Variants in ARL15 observed in about 807,000 individuals in gnomAD.
ARL15 encodes ADP-ribosylation factor-like protein 15.
In ARL15, 19 loss-of-function variants were observed where a neutral mutation model predicts 25.2. The ratio of observed to expected loss-of-function variants is 0.75; its 90% CI spans 0.53 to 1.10. ARL15 has a LOEUF of 1.10. ARL15 is among the 50% of genes least tolerant of loss of function. The probability of loss-of-function intolerance (pLI) is 0.00; values close to 1 mark genes in which losing one functional copy is unlikely to be tolerated. For missense variants in ARL15, 220 were observed against 246.0 expected (o/e 0.89, Z 0.71); for synonymous variants, 94 against 86.8 (o/e 1.08, Z -0.46).
chr5:53,897,701 T>A (rs1002415776), intron 4 of ARL15, among the ~76,000 whole-genome samples: 1 of 152,236 alleles, frequency 6.6e-6, no homozygotes, highest in Non-Finnish European at 1.5e-5. Context: ...ATTAATATAA[T>A]GTGTTACACT....
At chr5:53,910,847 C>T (rs1435719574) in intron 4 of ARL15, among the ~76,000 whole-genome samples, 1 of 151,456 alleles carries the variant, frequency 6.6e-6, no homozygotes, top group Non-Finnish European at 1.5e-5. Context: ...AAAAGTGATT[C>T]GACCAATTGG....
intron 4 of ARL15, among the ~76,000 whole-genome samples, chr5:53,982,920 A>G (rs1748172230): frequency 6.6e-6 from 1 of 152,068 alleles, no homozygotes; most frequent in South Asian, 2.1e-4. Context: ...TTTGATTTGC[A>G]TTTCTTTAAT....
At chr5:54,166,849 TTCCCA>T (rs1754588506) in intron 2 of ARL15, among the ~76,000 whole-genome samples, 1 of 152,216 alleles carries the variant, frequency 6.6e-6, no homozygotes, top group African/African-American at 2.4e-5. Context: ...TTCTGGCCTC[TTCCCA>T]TCCCTGATAA....
rs369972785 is a variant in ARL15, at chr5:53,966,284, T to G, written c.463-79571A>C. Among the ~76,000 whole-genome samples, 131 of 152,294 alleles carry G rather than the reference T, an allele frequency of 8.6e-4. 2 individuals carry two copies. Among genetic ancestry groups the G allele is most frequent in the African/African-American group, 2.9e-3 (122 of 41,564 alleles). On this transcript the variant is annotated intron_variant, in intron 4 of 4. Transcript: ENST00000504924. ...CGGAGAGCTTCTGGATGGCTCAACATGTGGAGGTTCCCAGAAGGTTGTACC... is the reference window on the plus strand; with the variant it reads ...CGGAGAGCTTCTGGATGGCTCAACAGGTGGAGGTTCCCAGAAGGTTGTACC...
intron 1 of ARL15, among the ~76,000 whole-genome samples, chr5:54,304,918 T>A (rs944713600): frequency 1.3e-5 from 2 of 152,154 alleles, no homozygotes; most frequent in Non-Finnish European, 2.9e-5. Context: ...AAATGTACCT[T>A]CACTCCTCTT....
chr5:54,146,169 C>G (rs1379374212), intron 3 of ARL15, among the ~76,000 whole-genome samples: 1 of 149,952 alleles, frequency 6.7e-6, no homozygotes, highest in Non-Finnish European at 1.5e-5. Context: ...ACCATACACA[C>G]AAAGAGCTTT....
chr5:54,006,401 T>A (rs559338400), intron 4 of ARL15, among the ~76,000 whole-genome samples: 1 of 151,934 alleles, frequency 6.6e-6, no homozygotes, highest in South Asian at 2.1e-4. Context: ...GATATATGTG[T>A]GTAAATACAT....
chr5:54,199,597 T>C (rs1404086408), intron 1 of ARL15, among the ~76,000 whole-genome samples: 5 of 151,242 alleles, frequency 3.3e-5, no homozygotes, highest in Non-Finnish European at 7.4e-5. Context: ...CAATGAGATA[T>C]CATCTCACAC....
intron 1 of ARL15, among the ~76,000 whole-genome samples, chr5:54,198,216 T>C (rs1755611079): frequency 6.6e-6 from 1 of 152,114 alleles, no homozygotes; most frequent in South Asian, 2.1e-4. Context: ...ACTGGAAGCA[T>C]TCCCTTTGAA....
chr5:54,195,822 C>T (rs1176096119), intron 1 of ARL15, among the ~76,000 whole-genome samples: 1 of 152,030 alleles, frequency 6.6e-6, no homozygotes. Context: ...GTATTAGTCC[C>T]ATTTTAGGAT....
intron 1 of ARL15, among the ~76,000 whole-genome samples, chr5:54,297,326 A>G (rs1342177812): frequency 2.6e-5 from 4 of 152,216 alleles, no homozygotes; most frequent in Non-Finnish European, 5.9e-5. Context: ...GAGAATTGGT[A>G]GTTTGAAGTG....
intron 4 of ARL15, among the ~76,000 whole-genome samples, chr5:53,897,774 T>G (rs542373597): frequency 9.2e-5 from 14 of 152,310 alleles, no homozygotes; most frequent in African/African-American, 2.9e-4. Flanking sequence ...ATCATATATA[T>G]AATTCTCTTT....
At chr5:54,131,093 T>C (rs1396147629) in intron 3 of ARL15, among the ~76,000 whole-genome samples, 1 of 152,158 alleles carries the variant, frequency 6.6e-6, no homozygotes, top group Non-Finnish European at 1.5e-5. Flanking sequence ...TGGGGCATGC[T>C]CTCCCCATCT....
At chr5:54,084,032 G>C (rs147002618) in intron 4 of ARL15, among the ~76,000 whole-genome samples, 1 of 152,170 alleles carries the variant, frequency 6.6e-6, no homozygotes, top group Non-Finnish European at 1.5e-5. Context: ...GGTGCCATGG[G>C]AACCAAGGGG....
intron 4 of ARL15, among the ~76,000 whole-genome samples, chr5:54,059,819 A>G (rs1751007494): frequency 6.6e-6 from 1 of 152,198 alleles, no homozygotes; most frequent in South Asian, 2.1e-4. Context: ...AATGTGTATA[A>G]AAAACAGTTT....
chr5:54,215,199 A>G (rs1756159408), intron 1 of ARL15, among the ~76,000 whole-genome samples: 1 of 152,140 alleles, frequency 6.6e-6, no homozygotes, highest in Non-Finnish European at 1.5e-5. Flanking sequence ...CACATTCAAC[A>G]AGACTTTTCT....
At chr5:54,011,793 G>A (rs1249141765) in intron 4 of ARL15, among the ~76,000 whole-genome samples, 3 of 152,044 alleles carry the variant, frequency 2.0e-5, no homozygotes, top group Non-Finnish European at 2.9e-5. Flanking sequence ...GGCGGATCTC[G>A]AGGTCAAGAG....
At chr5:54,005,595 A>G (rs11738093) in intron 4 of ARL15, among the ~76,000 whole-genome samples, 41,690 of 151,068 alleles carry the variant, frequency 0.28, 5,915 homozygotes, top group East Asian at 0.45. Context: ...CGGGCGCGGT[A>G]GCTCACGCCT....
intron 4 of ARL15, among the ~76,000 whole-genome samples, chr5:54,110,496 T>G (rs571630975): frequency 4.8e-4 from 73 of 152,164 alleles, no homozygotes; most frequent in African/African-American, 1.7e-3. Context: ...CAAAGTTTAG[T>G]GCTTTTTGGT....
Sources: gnomAD v4.1 joint callset for allele counts (sites outside exome capture counted in the v4.1 genomes callset) on GRCh38, gnomAD v4.1.1 for gene constraint, MANE v1.5 for transcripts, NCBI Gene and HGNC (gene_info 2026-07-23, HGNC 2026-07-21) for gene names.